The following DENND1A variants were observed in gnomAD, a reference collection of about 807,000 sequenced individuals.
The protein encoded by DENND1A is DENN domain containing 1A.
In DENND1A, 51 loss-of-function variants were observed where a neutral mutation model predicts 113.7. That is an observed-to-expected ratio of 0.45 (90% CI 0.36 to 0.57). The LOEUF (loss-of-function observed/expected upper bound fraction) is 0.57, where lower values mean the gene tolerates loss of function less well. Ranked by LOEUF, DENND1A falls within the 20% of genes least tolerant of loss-of-function variation. The pLI, the probability that DENND1A is intolerant of heterozygous loss-of-function variation, is 0.00. For synonymous variants in DENND1A, 565 were observed against 570.8 expected, an observed-to-expected ratio of 0.99 and a Z score of 0.14; for missense variants, 1,258 against 1,395.9, an observed-to-expected ratio of 0.90 and a Z score of 1.57.
At chr9:123,690,158 GAGGA>G (rs2065099823) in intron 5 of DENND1A, among the ~76,000 whole-genome samples, 1 of 124,052 alleles carries the variant, frequency 8.1e-6, no homozygotes, top group African/African-American at 3.0e-5. Context: ...GGGAGGGAGG[GAGGA>G]AGGAGGAGGG....
intron 1 of DENND1A, among the ~76,000 whole-genome samples, chr9:123,885,052 C>T (rs1848856366): frequency 6.6e-6 from 1 of 151,888 alleles, no homozygotes; most frequent in Non-Finnish European, 1.5e-5. Flanking sequence ...CTCACACACA[C>T]ACACACAGAC....
intron 2 of DENND1A, among the ~76,000 whole-genome samples, chr9:123,830,205 T>G (rs1299648352): frequency 6.6e-6 from 1 of 152,096 alleles, no homozygotes; most frequent in Non-Finnish European, 1.5e-5. Context: ...CAAAAAATCT[T>G]TATGTTGAGT....
chr9:123,776,760 A>G (rs1830534606), intron 3 of DENND1A, among the ~76,000 whole-genome samples: 1 of 152,232 alleles, frequency 6.6e-6, no homozygotes, highest in Non-Finnish European at 1.5e-5. Context: ...GACAAGGACA[A>G]ATTTATGCAA....
chr9:123,877,916 T>C (rs927508029), intron 2 of DENND1A, among the ~76,000 whole-genome samples: 1 of 152,200 alleles, frequency 6.6e-6, no homozygotes, highest in African/African-American at 2.4e-5. Flanking sequence ...ATGGCTGAAA[T>C]AGGAAGTAGT....
chr9:123,866,476 C>A (rs981715736), intron 2 of DENND1A, among the ~76,000 whole-genome samples: 1 of 152,160 alleles, frequency 6.6e-6, no homozygotes, highest in African/African-American at 2.4e-5. Flanking sequence ...TTCTTTTTAT[C>A]AAGTTGTCAT....
intron 9 of DENND1A, among the ~76,000 whole-genome samples, chr9:123,638,201 G>C (rs575504815): frequency 3.9e-5 from 6 of 152,248 alleles, no homozygotes; most frequent in Middle Eastern, 3.4e-3. Context: ...AAAACTGCCA[G>C]AGAAAAGCTT....
rs538355268 is a variant in DENND1A, at chr9:123,567,036, T to C, written c.868-9341A>G. ...CAAAGTAAATGTGTATTTATATTAT[T>C]AGGTGGTCATTCCATAAAAAGATTG... On this transcript the variant is annotated intron_variant, in intron 12 of 23. Coordinates refer to ENST00000394215, the MANE Select transcript of DENND1A (RefSeq NM_001352964.2). Among the ~76,000 whole-genome samples, 169 of 152,206 alleles carry C rather than the reference T, an allele frequency of 1.1e-3. 1 individual carries two copies. The highest frequency in any genetic ancestry group is 0.01 in the Middle Eastern group (3 of 292).
chr9:123,441,215 A>C (rs1262008572), intron 18 of DENND1A, among the ~76,000 whole-genome samples: 1 of 152,234 alleles, frequency 6.6e-6, no homozygotes, highest in Non-Finnish European at 1.5e-5. Flanking sequence ...GATACTTGTG[A>C]GCTGTATCAT....
chr9:123,524,979 G>T lies in DENND1A; in HGVS notation c.993+32591C>A, dbSNP rs2054698633. ...ATAACTGAAAAATGAGGGAAGGACAGGGAGTAGATAGGCACTGCATACCTC... is the reference window on the plus strand; with the variant it reads ...ATAACTGAAAAATGAGGGAAGGACATGGAGTAGATAGGCACTGCATACCTC... On this transcript the variant is annotated intron_variant, in intron 13 of 23. Coordinates refer to ENST00000394215, the MANE Select transcript of DENND1A (RefSeq NM_001352964.2). 2.0e-5 allele frequency among the ~76,000 whole-genome samples: 3 copies of T among 152,220 alleles called. No homozygotes were observed. In the South Asian group the frequency reaches 6.2e-4, roughly 31 times the overall value.
intron 2 of DENND1A, among the ~76,000 whole-genome samples, chr9:123,831,834 T>C (rs920924232): frequency 1.3e-5 from 2 of 152,032 alleles, no homozygotes; most frequent in Non-Finnish European, 2.9e-5. Flanking sequence ...AGTACAAAAA[T>C]GAGACAGGCA....
intron 12 of DENND1A, among the ~76,000 whole-genome samples, chr9:123,573,202 A>C (rs1478012358): frequency 2.0e-5 from 3 of 152,124 alleles, no homozygotes; most frequent in African/African-American, 7.2e-5. Context: ...TGAGTCTTGC[A>C]AACAGGTAAT....
chr9:123,541,595 G>A (rs2056292629), intron 13 of DENND1A, among the ~76,000 whole-genome samples: 1 of 152,206 alleles, frequency 6.6e-6, no homozygotes, highest in Admixed American at 6.5e-5. Context: ...TGGAAACAGG[G>A]TTGAGTGGAG....
intron 13 of DENND1A, among the ~76,000 whole-genome samples, chr9:123,547,820 T>C (rs368549688): frequency 1.3e-5 from 2 of 152,218 alleles, no homozygotes; most frequent in Admixed American, 6.5e-5. Flanking sequence ...TGAACAAGTA[T>C]GGACACCACT....
In DENND1A at chr9:123,930,040, G is replaced by T; in HGVS notation, c.-135C>A. 1 of 215,596 alleles carries T rather than the reference G, an allele frequency of 4.6e-6. No individual in the cohort carries two copies. Among genetic ancestry groups the T allele is most frequent in the Non-Finnish European group, 9.0e-6 (1 of 110,986 alleles). 13.4% of individuals were successfully genotyped at this position (215,596 alleles called of 1,614,324 possible). On this transcript the variant is annotated 5_prime_UTR_variant, in exon 1 of 24. Coordinates refer to ENST00000394215, the MANE Select transcript of DENND1A (RefSeq NM_001352964.2). Reference sequence around the variant, plus strand: ...CCCTCAGGCTGGGGCCCGCCCGCTCGAGGCTCGCTCCCTCGCCGCCGCCGC... The same window carrying T: ...CCCTCAGGCTGGGGCCCGCCCGCTCTAGGCTCGCTCCCTCGCCGCCGCCGC...
chr9:123,723,053 G>A (rs529412627), intron 5 of DENND1A, among the ~76,000 whole-genome samples: 1 of 152,234 alleles, frequency 6.6e-6, no homozygotes, highest in African/African-American at 2.4e-5. Context: ...AAAGCCACAG[G>A]GGCAGAGCTG....
intron 20 of DENND1A, among the ~76,000 whole-genome samples, chr9:123,408,268 C>T (rs969157382): frequency 3.3e-5 from 5 of 152,198 alleles, no homozygotes; most frequent in African/African-American, 1.2e-4. Context: ...CTCCCCGGTT[C>T]CCACCTAGTC....
intron 11 of DENND1A, among the ~76,000 whole-genome samples, chr9:123,601,634 CT>C (rs2059938411): frequency 6.6e-6 from 1 of 152,218 alleles, no homozygotes; most frequent in Non-Finnish European, 1.5e-5. Flanking sequence ...CAGGGTTTCA[CT>C]GATATAAACT....
chr9:123,555,937 A>G (rs1211710630), intron 13 of DENND1A, among the ~76,000 whole-genome samples: 1 of 152,198 alleles, frequency 6.6e-6, no homozygotes, highest in Non-Finnish European at 1.5e-5. Context: ...CAGCAACCCA[A>G]GCAAAGGATT....
At chr9:123,734,143 A>T (rs1414505579) in intron 5 of DENND1A, among the ~76,000 whole-genome samples, 2 of 152,050 alleles carry the variant, frequency 1.3e-5, no homozygotes, top group African/African-American at 4.8e-5. Context: ...TAACATTTTT[A>T]TTTTTTTATG....
Sources: allele counts gnomAD v4.1 joint callset (sites outside exome capture counted in the v4.1 genomes callset), GRCh38; gene constraint gnomAD v4.1.1; transcripts MANE v1.5; gene names NCBI Gene and HGNC (gene_info 2026-07-23, HGNC 2026-07-21).